Variants in CCDC50 observed in about 807,000 individuals in gnomAD.
The protein encoded by CCDC50 is coiled-coil domain containing 50, also known as coiled-coil domain-containing protein 50.
CCDC50 carries 54 observed loss-of-function variants against 70.2 expected under a neutral mutation model. That is an observed-to-expected ratio of 0.77 (90% CI 0.62 to 0.96). CCDC50 has a LOEUF of 0.96. CCDC50 is among the 50% of genes least tolerant of loss of function. The probability of loss-of-function intolerance (pLI) is 0.00; values close to 1 mark genes in which losing one functional copy is unlikely to be tolerated. For missense variants in CCDC50, 558 were observed against 578.7 expected, an observed-to-expected ratio of 0.96 and a Z score of 0.37; for synonymous variants, 216 against 198.8, an observed-to-expected ratio of 1.09 and a Z score of -0.73.
intron 1 of CCDC50, among the ~76,000 whole-genome samples, chr3:191,337,433 C>T (rs980369546): frequency 4.6e-5 from 7 of 151,736 alleles, no homozygotes; most frequent in African/African-American, 7.3e-5. Context: ...CTAGCTCTGA[C>T]GCCCAGGCTC....
At chr3:191,375,627 T>C (rs1310952354) in intron 6 of CCDC50, 38 bp downstream of exon 6, 2 of 1,597,034 alleles carry the variant, frequency 1.3e-6, no homozygotes, top group Non-Finnish European at 8.5e-7. Context: ...CCTGGTATCA[T>C]GTATATAACT....
chr3:191,390,936 G>C (rs927943051), intron 11 of CCDC50, among the ~76,000 whole-genome samples: 1 of 152,146 alleles, frequency 6.6e-6, no homozygotes, highest in Non-Finnish European at 1.5e-5. Context: ...AAGGATCTGC[G>C]TTCACTTATG....
chr3:191,389,792 T>C (rs1713618960), intron 11 of CCDC50, among the ~76,000 whole-genome samples, 190 bp downstream of exon 11: 1 of 151,254 alleles, frequency 6.6e-6, no homozygotes, highest in African/African-American at 2.4e-5. Flanking sequence ...AAATTTTATG[T>C]AAGATATTCT....
intron 1 of CCDC50, among the ~76,000 whole-genome samples, chr3:191,339,669 A>T (rs1439742448): frequency 6.6e-6 from 1 of 152,202 alleles, no homozygotes; most frequent in African/African-American, 2.4e-5. Flanking sequence ...TGACTTTCCC[A>T]GGCTGTACTC....
chr3:191,358,032 C>T lies in CCDC50; in HGVS notation c.147C>T (p.Asn49=), dbSNP rs756292445. The T allele has an allele frequency of 1.4e-5, 23 of 1,613,840 alleles. No individual in the cohort carries two copies. Among genetic ancestry groups the T allele is most frequent in the Non-Finnish European group, 4.2e-6 (5 of 1,179,922 alleles). The change falls in exon 3 of 12, where the codon AAC becomes AAT. Residue 49 remains asparagine, a synonymous_variant. Coordinates refer to ENST00000392455, the MANE Select transcript of CCDC50 (RefSeq NM_178335.3). ...EHHLASNVQR[N]RLVQHDLQVA... ...ATTTGGCATCGAACGTTCAGCGGAA[C>T]CGTTTGGTCCAGCATGATCTCCAGG...
In CCDC50 at chr3:191,395,031, A is replaced by G. The variant is rs935381828; in HGVS notation, c.*3271A>G. The G allele has an allele frequency of 8.5e-5, 13 of 152,218 alleles. No homozygotes were observed. The highest frequency in any genetic ancestry group is 2.9e-4 in the African/African-American group (12 of 41,470). The allele number at this position is 152,218 out of a possible 1,614,324, so 9.4% of individuals were successfully genotyped here. ...GTTCTGATGATAGAGAAATAGCTAA[A>G]TTAGAAAAGAAAGATATGGATAGAT... is the stretch of plus-strand genomic sequence containing the variant. On this transcript the variant is annotated 3_prime_UTR_variant, in exon 12 of 12. Coordinates refer to ENST00000392455, the MANE Select transcript of CCDC50 (RefSeq NM_178335.3).
rs1397439887 is a variant in CCDC50 at position 191,394,730 on chromosome 3, G to C, written c.*2970G>C. The C allele has an allele frequency of 6.6e-6, 1 of 152,118 alleles. No homozygotes were observed. Among genetic ancestry groups the C allele is most frequent in the Non-Finnish European group, 1.5e-5 (1 of 67,996 alleles). 9.4% of individuals were successfully genotyped at this position (152,118 alleles called of 1,614,324 possible). ...TCTCCTCCACATTTTATAAATCATT[G>C]TTTGGAAGTAAAGTTAGATAAGAGT... On this transcript the variant is annotated 3_prime_UTR_variant, in exon 12 of 12. Transcript: ENST00000392455.
At position 191,388,921 on chromosome 3, in the gene CCDC50, TC is replaced by T. The variant is rs1198364578; in HGVS notation, c.1323-574del. Among the ~76,000 whole-genome samples, 4 of 64,926 alleles carry T rather than the reference TC, an allele frequency of 6.2e-5. No individual in the cohort carries two copies. The East Asian group carries it at 1.1e-3, about 18-fold the overall frequency. The allele number at this position is 64,926 out of a possible 152,430, so 42.6% of individuals were successfully genotyped here. On this transcript the variant is annotated intron_variant, in intron 10 of 11. Transcript: ENST00000392455. Reference sequence around the variant, plus strand: ...AAAGTTTAGAGTAGTAAAAATTATATCTTTTTTTTTTTTTTTACATTTTTTG... The same window carrying T: ...AAAGTTTAGAGTAGTAAAAATTATATTTTTTTTTTTTTTTTACATTTTTTG...
chr3:191,337,985 C>A (rs1258291390), intron 1 of CCDC50, among the ~76,000 whole-genome samples: 4 of 152,082 alleles, frequency 2.6e-5, no homozygotes, highest in Admixed American at 2.0e-4. Flanking sequence ...CATTTCCAGT[C>A]CTGATACAGC....
intron 10 of CCDC50, among the ~76,000 whole-genome samples, chr3:191,387,702 G>A (rs576412178): frequency 1.3e-5 from 2 of 150,178 alleles, no homozygotes; most frequent in African/African-American, 2.5e-5. Context: ...ACATGGACAT[G>A]CTAGAAAACT....
Position 191,398,650 on chromosome 3 carries a change from G to A in CCDC50, c.*6890G>A, listed in dbSNP as rs925792883. Reference sequence around the variant, plus strand: ...TGTATTGAAATCCTCAATAAATACTGCCAAGTGTGGATCAGTTGGAGAAGT... The same window carrying A: ...TGTATTGAAATCCTCAATAAATACTACCAAGTGTGGATCAGTTGGAGAAGT... On this transcript the variant is annotated 3_prime_UTR_variant, in exon 12 of 12. Coordinates refer to ENST00000392455, the MANE Select transcript of CCDC50 (RefSeq NM_178335.3). 3 of 152,038 alleles carry A rather than the reference G, an allele frequency of 2.0e-5. No homozygotes were observed. The highest frequency in any genetic ancestry group is 2.9e-5 in the Non-Finnish European group (2 of 68,012). 9.4% of individuals were successfully genotyped at this position (152,038 alleles called of 1,614,324 possible). A position where few individuals can be genotyped will look rare whatever the true frequency, so the allele number is the denominator to read the frequency against.
intron 1 of CCDC50, among the ~76,000 whole-genome samples, chr3:191,334,576 A>G (rs112219993): frequency 2.7e-4 from 41 of 152,136 alleles, no homozygotes; most frequent in South Asian, 4.1e-4. Flanking sequence ...CACTGAGGCT[A>G]AGTAGCTAGG....
chr3:191,342,135 T>A (rs1044394100), intron 1 of CCDC50, among the ~76,000 whole-genome samples: 1 of 152,200 alleles, frequency 6.6e-6, no homozygotes, highest in Non-Finnish European at 1.5e-5. Flanking sequence ...ATTTCAAGAT[T>A]TACACATTTG....
Position 191,396,107 on chromosome 3 carries a change from A to G in CCDC50, c.*4347A>G, listed in dbSNP as rs916053939. ...CTGTCATTAGAAATGCTGAAATTTAATTGTAGAGAAGTCAAGAAAGAAAGA... is the reference window on the plus strand; with the variant it reads ...CTGTCATTAGAAATGCTGAAATTTAGTTGTAGAGAAGTCAAGAAAGAAAGA... On this transcript the variant is annotated 3_prime_UTR_variant, in exon 12 of 12. Transcript: ENST00000392455. 11 of 152,200 alleles carry G rather than the reference A, an allele frequency of 7.2e-5. No individual in the cohort carries two copies. Among genetic ancestry groups the G allele is most frequent in the Admixed American group, 2.6e-4 (4 of 15,270 alleles). The allele number at this position is 152,200 out of a possible 1,614,324, so 9.4% of individuals were successfully genotyped here. A position where few individuals can be genotyped will look rare whatever the true frequency, so the allele number is the denominator to read the frequency against.
chr3:191,370,139 T>A, intron 5 of CCDC50, 103 bp downstream of exon 5: 1 of 798,036 alleles, frequency 1.3e-6, no homozygotes, highest in Non-Finnish European at 2.2e-6. Flanking sequence ...GGACTGTTTC[T>A]CTTATCCCCA....
chr3:191,329,945 G>GTGC (rs1576942664), intron 1 of CCDC50, among the ~76,000 whole-genome samples: 1 of 61,916 alleles, frequency 1.6e-5, no homozygotes, highest in Non-Finnish European at 2.8e-5. Context: ...GGGTGGTTGG[G>GTGC]GGGGGGGGGG....
chr3:191,376,672 C>A (rs911603575), intron 6 of CCDC50, among the ~76,000 whole-genome samples: 1 of 152,066 alleles, frequency 6.6e-6, no homozygotes, highest in Non-Finnish European at 1.5e-5. Context: ...CACAAATATC[C>A]TTGTCTTAGG....
chr3:191,372,646 T>G (rs1337642548), intron 5 of CCDC50, among the ~76,000 whole-genome samples: 2 of 152,156 alleles, frequency 1.3e-5, no homozygotes, highest in Non-Finnish European at 2.9e-5. Context: ...CAAACTTTAA[T>G]ACATTATCTA....
chr3:191,379,572 C>A (rs887586014), intron 6 of CCDC50, among the ~76,000 whole-genome samples: 1 of 152,084 alleles, frequency 6.6e-6, no homozygotes, highest in Non-Finnish European at 1.5e-5. Flanking sequence ...TGCTATCAGT[C>A]TGATCAAAGC....
Sources: allele counts gnomAD v4.1 joint callset (sites outside exome capture counted in the v4.1 genomes callset), GRCh38; gene constraint gnomAD v4.1.1; transcripts MANE v1.5; gene names NCBI Gene and HGNC (gene_info 2026-07-23, HGNC 2026-07-21).